MEF2D: variants seen among roughly 807,000 people sequenced by gnomAD.
The protein encoded by MEF2D is myocyte enhancer factor 2D.
A neutral mutation model predicts 59.3 loss-of-function variants in MEF2D; 10 were observed. The observed-to-expected ratio is 0.17, with a 90% CI of 0.10 to 0.29. The LOEUF is 0.29. MEF2D is among the 10% of genes least tolerant of loss of function. The pLI, the probability that MEF2D is intolerant of heterozygous loss-of-function variation, is 1.00. For synonymous variants in MEF2D, 305 were observed against 295.0 expected (o/e 1.03, Z -0.35); for missense variants, 508 against 699.4 (o/e 0.73, Z 3.09).
intron 9 of MEF2D, among the ~76,000 whole-genome samples, chr1:156,472,182 C>T (rs964666448): frequency 5.3e-5 from 8 of 152,230 alleles, no homozygotes; most frequent in African/African-American, 1.2e-4. Context: ...CGCCAACTGT[C>T]CCTGTCCCCA....
chr1:156,477,292 C>T (rs968643924), intron 6 of MEF2D, 90 bp from the exon 7 acceptor site: 21 of 1,149,216 alleles, frequency 1.8e-5, no homozygotes, highest in African/African-American at 3.1e-5. Flanking sequence ...TCCTGTTACC[C>T]GGAACCTCTC....
In MEF2D at chr1:156,475,153, T is replaced by C; in HGVS notation, c.961A>G (p.Ser321Gly). Reference sequence around the variant, plus strand: ...ATGGAAGAGAAGGGGAGGCCCTGGCTGAGTAAACTCGGCGTTGCCACAGAA... The same window carrying C: ...ATGGAAGAGAAGGGGAGGCCCTGGCCGAGTAAACTCGGCGTTGCCACAGAA... ...VVSVATPSLL[S>G]QGLPFSSMPT... Residue 321 changes from serine (S) to glycine (G), a missense_variant, in exon 9 of 12, where the codon AGC (serine) becomes GGC (glycine). By Grantham distance (56) the Ser-to-Gly change is moderately conservative. Coordinates refer to ENST00000348159, the MANE Select transcript of MEF2D (RefSeq NM_005920.4). 6.2e-7 allele frequency: 1 copy of C among 1,614,236 alleles called. No individual in the cohort carries two copies. The highest frequency in any genetic ancestry group is 1.1e-5 in the South Asian group (1 of 91,088).
At position 156,479,741 on chromosome 1, in the gene MEF2D, T is replaced by C; in HGVS notation, c.452A>G (p.Gln151Arg). Residue 151 changes from glutamine (Q) to arginine (R), a missense_variant, in exon 5 of 12, where the codon CAG (glutamine) becomes CGG (arginine). Gln to Arg is a conservative substitution (Grantham distance 43, BLOSUM62 1). Coordinates refer to ENST00000348159, the MANE Select transcript of MEF2D (RefSeq NM_005920.4). ...GGGATTGCTGAACTGCAGTGAGCTC[T>C]GATTGGACACGGGCACCGTGACAGG... ...AMPVTVPVSN[Q>R]SSLQFSNPSG... is the part of the protein sequence containing the mutation. 1 of 1,551,654 alleles carries C rather than the reference T, an allele frequency of 6.4e-7. No individual in the cohort carries two copies. The highest frequency in any genetic ancestry group is 8.7e-7 in the Non-Finnish European group (1 of 1,146,962).
chr1:156,472,107 C>T (rs890982249), intron 9 of MEF2D, among the ~76,000 whole-genome samples: 1 of 152,204 alleles, frequency 6.6e-6, no homozygotes, highest in Non-Finnish European at 1.5e-5. Context: ...CAGAAAACCA[C>T]CCTCACAGAG....
intron 8 of MEF2D, among the ~76,000 whole-genome samples, chr1:156,476,283 A>G (rs1671569429): frequency 6.6e-6 from 1 of 152,116 alleles, no homozygotes; most frequent in African/African-American, 2.4e-5. Flanking sequence ...ACACACAGGC[A>G]CACACACACA....
At chr1:156,488,956 A>C (rs1225873195) in intron 1 of MEF2D, among the ~76,000 whole-genome samples, 1 of 152,200 alleles carries the variant, frequency 6.6e-6, no homozygotes, top group Admixed American at 6.5e-5. Flanking sequence ...CCTTCCACCC[A>C]TATCTGTTCC....
Position 156,479,776 on chromosome 1 carries a change from G to C in MEF2D, c.417C>G (p.Asn139Lys), listed in dbSNP as rs1469173013. The C allele has an allele frequency of 6.4e-7, 1 of 1,551,696 alleles. No homozygotes were observed. Among genetic ancestry groups the C allele is most frequent in the Admixed American group, 2.0e-5 (1 of 51,006 alleles). Reference protein sequence around the residue: ...RRYGSTVPAPNFAMPVTVPVS... With the variant: ...RRYGSTVPAPKFAMPVTVPVS... ...CGGGCACCGTGACAGGCATGGCAAA[G>C]TTGGGGGCCGGGACAGTTGACTAGA... Residue 139 changes from asparagine to lysine, a missense_variant, in exon 5 of 12, where the codon AAC (asparagine) becomes AAG (lysine). Physicochemically the swap from Asn to Lys is moderately conservative, Grantham distance 94. Around this residue, in one of 2 missense-constraint regions of MEF2D, gnomAD observed 481 missense variants for 584.7 expected, o/e 0.82. Transcript: ENST00000348159.
chr1:156,486,316 ACTGTG>A (rs112012317), intron 1 of MEF2D, among the ~76,000 whole-genome samples: 4,340 of 152,148 alleles, frequency 0.029, 202 homozygotes, highest in African/African-American at 0.099. Flanking sequence ...CAATCCAAAG[ACTGTG>A]CTTTCTAGAG....
chr1:156,473,954 C>T (rs1333840691), intron 9 of MEF2D, among the ~76,000 whole-genome samples: 1 of 152,150 alleles, frequency 6.6e-6, no homozygotes, highest in East Asian at 1.9e-4. Context: ...TCTCTCTGGC[C>T]TCCTCAGCCT....
intron 1 of MEF2D, among the ~76,000 whole-genome samples, chr1:156,494,067 AG>A (rs1672982499): frequency 6.6e-6 from 1 of 152,126 alleles, no homozygotes; most frequent in South Asian, 2.1e-4. Context: ...GGAAAGTCTG[AG>A]AAACCCACTT....
chr1:156,497,170 C>T (rs1330649953), intron 1 of MEF2D, among the ~76,000 whole-genome samples: 6 of 152,236 alleles, frequency 3.9e-5, no homozygotes, highest in Admixed American at 3.9e-4. Context: ...GTCAGACGTC[C>T]AGCTTCTAGA....
chr1:156,481,602 A>G (rs747805544), intron 3 of MEF2D, among the ~76,000 whole-genome samples: 1 of 152,236 alleles, frequency 6.6e-6, no homozygotes, highest in Non-Finnish European at 1.5e-5. Context: ...CTTCATGCTC[A>G]AAATAGCTTT....
At chr1:156,480,648 G>A in intron 4 of MEF2D, 186 bp downstream of exon 4, 2 of 1,551,230 alleles carry the variant, frequency 1.3e-6, no homozygotes, top group Non-Finnish European at 1.7e-6. Flanking sequence ...CTCACGGCCA[G>A]TCTATAACTC....
chr1:156,469,354 T>G (rs1335598828), intron 9 of MEF2D, among the ~76,000 whole-genome samples: 1 of 152,016 alleles, frequency 6.6e-6, no homozygotes, highest in Non-Finnish European at 1.5e-5. Flanking sequence ...GCCTCCCACG[T>G]TCAAGCAAAT....
chr1:156,492,489 G>C (rs1417159179), intron 1 of MEF2D, among the ~76,000 whole-genome samples: 1 of 151,204 alleles, frequency 6.6e-6, no homozygotes, highest in East Asian at 2.0e-4. Context: ...CTACCTTTAA[G>C]TCTGACCTAC....
rs992477127 is a variant in MEF2D, at chr1:156,465,647, CATAA to C, written c.*1994_*1997del. On this transcript the variant is annotated 3_prime_UTR_variant, in exon 12 of 12. Transcript: ENST00000348159. ...GCACACCCGTGCAACCACACACACA[CATAA>C]ATACAAAAGTACACCCGTGCAATCA... is the stretch of plus-strand genomic sequence containing the variant. 2 of 152,388 alleles carry C rather than the reference CATAA, an allele frequency of 1.3e-5. No individual in the cohort carries two copies. Among genetic ancestry groups the C allele is most frequent in the African/African-American group, 4.8e-5 (2 of 41,360 alleles). 9.4% of individuals were successfully genotyped at this position (152,388 alleles called of 1,614,324 possible).
intron 1 of MEF2D, among the ~76,000 whole-genome samples, chr1:156,493,164 A>G (rs553245410): frequency 6.6e-6 from 1 of 152,312 alleles, no homozygotes; most frequent in African/African-American, 2.4e-5. Context: ...TTGCTGGGAC[A>G]TGAGAGCTAA....
chr1:156,477,355 C>A (rs541221884), intron 6 of MEF2D, among the ~76,000 whole-genome samples, 153 bp from the exon 7 acceptor site: 35 of 152,268 alleles, frequency 2.3e-4, no homozygotes, highest in African/African-American at 8.2e-4. Context: ...ATTCCCTGAA[C>A]ACTTCATGTC....
Position 156,479,738 on chromosome 1 carries a change from C to A in MEF2D, c.455G>T (p.Ser152Ile). ...GCTGGGATTGCTGAACTGCAGTGAG[C>A]TCTGATTGGACACGGGCACCGTGAC... is the stretch of plus-strand genomic sequence containing the variant. ...MPVTVPVSNQ[S>I]SLQFSNPSGS... The change falls in exon 5 of 12, where the codon AGC becomes ATC. Residue 152 changes from serine (S) to isoleucine (I), a missense_variant. Around this residue, in one of 2 missense-constraint regions of MEF2D, gnomAD observed 481 missense variants for 584.7 expected, o/e 0.82. Coordinates refer to ENST00000348159, the MANE Select transcript of MEF2D (RefSeq NM_005920.4). 1 of 1,551,674 alleles carries A rather than the reference C, an allele frequency of 6.4e-7. No homozygotes were observed. The highest frequency in any genetic ancestry group is 8.7e-7 in the Non-Finnish European group (1 of 1,146,966).
Sources: allele counts gnomAD v4.1 joint callset (sites outside exome capture counted in the v4.1 genomes callset), GRCh38; gene constraint gnomAD v4.1.1; regional missense constraint gnomAD v4.1.1; transcripts MANE v1.5; gene names NCBI Gene and HGNC (gene_info 2026-07-23, HGNC 2026-07-21).